TP53BP2: variants seen among roughly 807,000 people sequenced by gnomAD.
TP53BP2 encodes tumor protein p53 binding protein 2.
A neutral mutation model predicts 126.2 loss-of-function variants in TP53BP2; 62 were observed. The observed-to-expected ratio is 0.49, with a 90% confidence interval of 0.40 to 0.61. The LOEUF (loss-of-function observed/expected upper bound fraction) is 0.61. Ranked by LOEUF, TP53BP2 falls within the 20% of genes least tolerant of loss-of-function variation. The probability of loss-of-function intolerance (pLI) is 0.00; values close to 1 mark genes in which losing one functional copy is unlikely to be tolerated. For synonymous variants in TP53BP2, 485 were observed against 502.9 expected, an observed-to-expected ratio of 0.96 and a Z score of 0.48; for missense variants, 1,215 against 1,402.8, an observed-to-expected ratio of 0.87 and a Z score of 2.14.
At chr1:223,842,996 T>C (rs1664152922) in intron 1 of TP53BP2, among the ~76,000 whole-genome samples, 1 of 152,212 alleles carries the variant, frequency 6.6e-6, no homozygotes, top group African/African-American at 2.4e-5. Flanking sequence ...ATCCCATTTC[T>C]GCAGTACCCT....
Position 223,845,651 on chromosome 1 carries a change from T to G in TP53BP2, c.27+3A>C. The G allele has an allele frequency of 1.9e-6, 3 of 1,553,924 alleles. No homozygotes were observed. The highest frequency in any genetic ancestry group is 2.6e-6 in the Non-Finnish European group (3 of 1,158,030). On this transcript the variant is annotated splice_donor_region_variant and intron_variant, in intron 1 of 17. Coordinates refer to ENST00000343537, the MANE Select transcript of TP53BP2 (RefSeq NM_001031685.3). ...CCGACGCCCTGGCCGCTCGCCCACT[T>G]ACCGGCATCATCTTGGACCCGAACC...
chr1:223,797,654 G>T (rs182664498), intron 12 of TP53BP2, among the ~76,000 whole-genome samples: 1 of 151,902 alleles, frequency 6.6e-6, no homozygotes, highest in Non-Finnish European at 1.5e-5. Flanking sequence ...CAGGTGACCC[G>T]CCCACCTTGG....
At position 223,784,334 on chromosome 1, in the gene TP53BP2, A is replaced by C. The variant is rs1297117973; in HGVS notation, c.3164-20T>G. On this transcript the variant is annotated intron_variant, in intron 16 of 17. Coordinates refer to ENST00000343537, the MANE Select transcript of TP53BP2 (RefSeq NM_001031685.3). The stretch of plus-strand genomic sequence containing the variant: ...GAACTCCTAAAATCATGACAGTAAG[A>C]TAAAGCACAGAATATACAACTTGGA... The C allele has an allele frequency of 4.3e-6, 7 of 1,612,180 alleles. No individual in the cohort carries two copies. Among genetic ancestry groups the C allele is most frequent in the Non-Finnish European group, 5.1e-6 (6 of 1,178,598 alleles).
intron 6 of TP53BP2, 119 bp from the exon 7 acceptor site, chr1:223,803,571 G>C: frequency 1.1e-6 from 1 of 886,974 alleles, no homozygotes; most frequent in Admixed American, 3.5e-5. Flanking sequence ...TTTTCAGAAT[G>C]TCCTGGAAGC....
At chr1:223,792,274 A>T (rs1201661354) in intron 15 of TP53BP2, 115 bp downstream of exon 15, 4 of 1,181,664 alleles carry the variant, frequency 3.4e-6, no homozygotes, top group Non-Finnish European at 3.5e-6. Flanking sequence ...CTAGATTACA[A>T]GCAGCTCAAG....
At position 223,798,281 on chromosome 1, in the gene TP53BP2, T is replaced by A. The variant is rs1201646123; in HGVS notation, c.1882A>T (p.Asn628Tyr). The A allele has an allele frequency of 1.9e-6, 3 of 1,614,026 alleles. No homozygotes were observed. The highest frequency in any genetic ancestry group is 1.7e-5 in the Admixed American group (1 of 60,004). The change falls in exon 12 of 18, where the codon AAC becomes TAC. Residue 628 changes from asparagine to tyrosine, a missense_variant. This residue lies in a region of TP53BP2 where 814 missense variants were observed against 853.0 expected (regional missense o/e 0.95). Coordinates refer to ENST00000343537, the MANE Select transcript of TP53BP2 (RefSeq NM_001031685.3). Reference sequence around the variant, plus strand: ...GCGCTCTGCACAGCCTGCTGGAAGTTTTTTCCTGGCGCCTGCTGTTGCGTA... The same window carrying A: ...GCGCTCTGCACAGCCTGCTGGAAGTATTTTCCTGGCGCCTGCTGTTGCGTA... ...MYTQQQAPGKNFQQAVQSALT... is the reference protein window; with the variant it reads ...MYTQQQAPGKYFQQAVQSALT...
At chr1:223,781,465 G>T (rs1325748219) in intron 17 of TP53BP2, among the ~76,000 whole-genome samples, 2 of 152,202 alleles carry the variant, frequency 1.3e-5, no homozygotes, top group African/African-American at 4.8e-5. Context: ...GTAAAGGTGA[G>T]TCCTAGTGAA....
intron 5 of TP53BP2, 120 bp from the exon 6 acceptor site, chr1:223,804,468 T>A: frequency 1.1e-6 from 1 of 874,132 alleles, no homozygotes; most frequent in Non-Finnish European, 1.8e-6. Flanking sequence ...CCTGGTCTGG[T>A]CTCACCTTCT....
intron 5 of TP53BP2, among the ~76,000 whole-genome samples, chr1:223,804,562 A>C (rs1471395872): frequency 2.6e-5 from 4 of 152,222 alleles, no homozygotes; most frequent in Non-Finnish European, 5.9e-5. Flanking sequence ...TCTGGGGATA[A>C]GATCCAGGAA....
chr1:223,787,796 T>C (rs946657624), intron 16 of TP53BP2, among the ~76,000 whole-genome samples: 2 of 151,912 alleles, frequency 1.3e-5, no homozygotes, highest in African/African-American at 2.4e-5. Context: ...AAGGATCACC[T>C]GAGCCCTGGC....
intron 1 of TP53BP2, chr1:223,845,233 T>A: frequency 9.1e-6 from 9 of 985,024 alleles, no homozygotes; most frequent in Non-Finnish European, 1.1e-5. Context: ...AAAGCAAAGG[T>A]ACCCGTTCCA....
chr1:223,798,589 T>C lies in TP53BP2; in HGVS notation c.1574A>G (p.Gln525Arg), dbSNP rs1270921710. ...GTCTGGCTTAATGTCTGAAGGTGGC[T>C]GATTAGTTTGTCCAAAATAAGGCAA... ...INLPYFGQTN[Q>R]PPSDIKPDGS... The change falls in exon 12 of 18, where the codon CAG becomes CGG. Residue 525 changes from glutamine to arginine, a missense_variant. Physicochemically the swap from Gln to Arg is conservative, Grantham distance 43. Coordinates refer to ENST00000343537, the MANE Select transcript of TP53BP2 (RefSeq NM_001031685.3). 6.2e-7 allele frequency: 1 copy of C among 1,614,212 alleles called. No homozygotes were observed. Among genetic ancestry groups the C allele is most frequent in the Non-Finnish European group, 8.5e-7 (1 of 1,180,018 alleles).
chr1:223,781,472 T>A (rs1223061832), intron 17 of TP53BP2, among the ~76,000 whole-genome samples: 1 of 152,214 alleles, frequency 6.6e-6, no homozygotes, highest in Non-Finnish European at 1.5e-5. Context: ...TGAGTCCTAG[T>A]GAAGGTTGCA....
intron 13 of TP53BP2, among the ~76,000 whole-genome samples, chr1:223,794,263 T>C (rs1022624033): frequency 2.0e-5 from 3 of 152,222 alleles, no homozygotes; most frequent in Non-Finnish European, 2.9e-5. Context: ...AGGTGTGATA[T>C]ATGTACTCCA....
At position 223,802,194 on chromosome 1, in the gene TP53BP2, C is replaced by A; in HGVS notation, c.1147G>T (p.Val383Phe). 1 of 1,614,160 alleles carries A rather than the reference C, an allele frequency of 6.2e-7. No individual in the cohort carries two copies. Among genetic ancestry groups the A allele is most frequent in the Non-Finnish European group, 8.5e-7 (1 of 1,180,028 alleles). The change falls in exon 9 of 18, where the codon GTC (valine) becomes TTC (phenylalanine). Residue 383 changes from valine to phenylalanine, a missense_variant. Coordinates refer to ENST00000343537, the MANE Select transcript of TP53BP2 (RefSeq NM_001031685.3). ...VKPALPDGSLVIQASEGPMKI... is the reference protein window; with the variant it reads ...VKPALPDGSLFIQASEGPMKI... ...ATCGGCCCCTCTGAAGCCTGAATGA[C>A]CAAGGAACCATCCGGCAGGGCTGGC... is the stretch of plus-strand genomic sequence containing the variant.
intron 13 of TP53BP2, 125 bp from the exon 14 acceptor site, chr1:223,793,565 C>A (rs1046681457): frequency 9.8e-7 from 1 of 1,016,054 alleles, no homozygotes; most frequent in African/African-American, 1.7e-5. Flanking sequence ...AGATTTGGCA[C>A]ATTTTATTGA....
intron 5 of TP53BP2, among the ~76,000 whole-genome samples, chr1:223,806,562 G>A (rs907064206): frequency 6.6e-6 from 1 of 152,122 alleles, no homozygotes; most frequent in Non-Finnish European, 1.5e-5. Context: ...GGGGGTTCAC[G>A]CCTGTAATCC....
At chr1:223,798,184 G>T in intron 12 of TP53BP2, 31 bp downstream of exon 12, 1 of 1,581,864 alleles carries the variant, frequency 6.3e-7, no homozygotes, top group East Asian at 2.2e-5. Context: ...TAGAACTTAA[G>T]CACGTCACCT....
intron 1 of TP53BP2, among the ~76,000 whole-genome samples, chr1:223,836,726 C>A (rs1663936198): frequency 6.6e-6 from 1 of 151,878 alleles, no homozygotes; most frequent in African/African-American, 2.4e-5. Flanking sequence ...TACAACAGTC[C>A]AGGCAGGAGA....
Sources: gnomAD v4.1 joint callset for allele counts (sites outside exome capture counted in the v4.1 genomes callset) on GRCh38, gnomAD v4.1.1 for gene constraint, gnomAD v4.1.1 regional missense constraint, MANE v1.5 for transcripts, NCBI Gene and HGNC (gene_info 2026-07-23, HGNC 2026-07-21) for gene names.